PPP1R12B: variants seen among roughly 807,000 people sequenced by gnomAD.
PPP1R12B encodes the protein protein phosphatase 1 regulatory subunit 12B, also known as myosin phosphatase target subunit 2.
A neutral mutation model predicts 126.1 loss-of-function variants in PPP1R12B; 76 were observed. That is an observed-to-expected ratio of 0.60 (90% confidence interval 0.50 to 0.73). PPP1R12B has a LOEUF of 0.73. PPP1R12B is among the 30% of genes least tolerant of loss of function. The pLI is 0.00. For missense variants in PPP1R12B, 1,052 were observed against 1,205.1 expected, an observed-to-expected ratio of 0.87 and a Z score of 1.88; for synonymous variants, 356 against 434.7, an observed-to-expected ratio of 0.82 and a Z score of 2.25.
intron 1 of PPP1R12B, among the ~76,000 whole-genome samples, chr1:202,358,668 C>T (rs570000367): frequency 2.1e-5 from 3 of 140,372 alleles, no homozygotes; most frequent in South Asian, 2.4e-4. Context: ...GGTGACAGAG[C>T]GAGACTCCGT....
chr1:202,422,856 G>A lies in PPP1R12B; in HGVS notation c.541+118G>A, dbSNP rs1164473259. 9 of 1,422,324 alleles carry A rather than the reference G, an allele frequency of 6.3e-6. No individual in the cohort carries two copies. The Admixed American group carries it at 2.1e-4, about 32-fold the overall frequency. The allele number at this position is 1,422,324 out of a possible 1,614,324, so 88.1% of individuals were successfully genotyped here. A position where few individuals can be genotyped will look rare whatever the true frequency, so the allele number is the denominator to read the frequency against. On this transcript the variant is annotated intron_variant, in intron 3 of 23. Coordinates refer to ENST00000608999, the MANE Select transcript of PPP1R12B (RefSeq NM_002481.4). Reference sequence around the variant, plus strand: ...CACATGACAGGAGAGGATTTGATCTGTCTGCACTGCATTAATCATTAATCC... The same window carrying A: ...CACATGACAGGAGAGGATTTGATCTATCTGCACTGCATTAATCATTAATCC...
At chr1:202,445,964 T>G (rs1489860428) in intron 12 of PPP1R12B, among the ~76,000 whole-genome samples, 1 of 152,096 alleles carries the variant, frequency 6.6e-6, no homozygotes, top group Non-Finnish European at 1.5e-5. Context: ...GATAGTGTTG[T>G]TGCAGGAACA....
At chr1:202,519,254 T>TA (rs199937948) in intron 18 of PPP1R12B, among the ~76,000 whole-genome samples, 5 of 151,708 alleles carry the variant, frequency 3.3e-5, no homozygotes, top group South Asian at 2.1e-4. Flanking sequence ...TCAACCCAAT[T>TA]AAAAAATTTT....
At chr1:202,358,374 G>A (rs1265757469) in intron 1 of PPP1R12B, among the ~76,000 whole-genome samples, 1 of 152,068 alleles carries the variant, frequency 6.6e-6, no homozygotes, top group African/African-American at 2.4e-5. Flanking sequence ...GTTTCATGAG[G>A]CAATTCAATT....
intron 10 of PPP1R12B, chr1:202,439,029 A>G: frequency 7.3e-7 from 1 of 1,375,694 alleles, no homozygotes; most frequent in South Asian, 1.2e-5. Context: ...GCCCACTACC[A>G]GTGGGCGGAC....
chr1:202,425,658 A>G lies in PPP1R12B; in HGVS notation c.634A>G (p.Arg212Gly), dbSNP rs887491391. The G allele has an allele frequency of 1.2e-6, 2 of 1,613,836 alleles. No homozygotes were observed. The highest frequency in any genetic ancestry group is 2.7e-5 in the African/African-American group (2 of 74,924). ...CAACAGTGGGAAAATAGAGGATGTG[A>G]GGCAGGCTCGCTCAGGGGCTACAGC... is the stretch of plus-strand genomic sequence containing the variant. ...WLNSGKIEDVRQARSGATALH... is the reference protein window; with the variant it reads ...WLNSGKIEDVGQARSGATALH... The change falls in exon 4 of 24, where the codon AGG becomes GGG. Residue 212 changes from arginine to glycine, a missense_variant. Transcript: ENST00000608999.
intron 1 of PPP1R12B, among the ~76,000 whole-genome samples, chr1:202,383,027 A>G (rs1662589804): frequency 2.6e-5 from 4 of 152,212 alleles, no homozygotes; most frequent in Admixed American, 2.6e-4. Flanking sequence ...ATAGTTATAG[A>G]ACAAAAAGAA....
At position 202,437,963 on chromosome 1, in the gene PPP1R12B, C is replaced by T. The variant is rs772020166; in HGVS notation, c.1397C>T (p.Ser466Phe). ...NSREPIRDRG[S>F]SIYRSSSSPR... ...AGGGAACCTATAAGGGACCGAGGCT[C>T]TTCCATCTATCGCTCCTCTTCAAGC... The change falls in exon 10 of 24, where the codon TCT (serine) becomes TTT (phenylalanine). Residue 466 changes from serine to phenylalanine, a missense_variant. Transcript: ENST00000608999. The T allele has an allele frequency of 5.0e-6, 8 of 1,614,128 alleles. No homozygotes were observed. In the East Asian group the frequency reaches 1.1e-4, roughly 22 times the overall value.
chr1:202,475,857 T>G (rs1175517305), intron 13 of PPP1R12B, among the ~76,000 whole-genome samples: 1 of 151,508 alleles, frequency 6.6e-6, no homozygotes, highest in Non-Finnish European at 1.5e-5. Flanking sequence ...TTAAAGAAGG[T>G]TTTTTTGGGA....
intron 18 of PPP1R12B, among the ~76,000 whole-genome samples, chr1:202,548,505 T>A (rs1298748224): frequency 6.6e-6 from 1 of 151,908 alleles, no homozygotes; most frequent in Non-Finnish European, 1.5e-5. Context: ...GGACTATAGG[T>A]GTGCTGGGGC....
At chr1:202,563,445 T>C (rs1199423165) in intron 20 of PPP1R12B, among the ~76,000 whole-genome samples, 7 of 152,072 alleles carry the variant, frequency 4.6e-5, no homozygotes, top group Non-Finnish European at 1.0e-4. Flanking sequence ...AGTAAGTGTA[T>C]AGTTAGAATC....
At chr1:202,359,156 T>A (rs1657671377) in intron 1 of PPP1R12B, among the ~76,000 whole-genome samples, 1 of 151,974 alleles carries the variant, frequency 6.6e-6, no homozygotes, top group Non-Finnish European at 1.5e-5. Flanking sequence ...TTTTTTTTTT[T>A]CTTTTGAGAT....
chr1:202,446,378 C>G (rs1307419236), intron 12 of PPP1R12B, among the ~76,000 whole-genome samples: 1 of 147,322 alleles, frequency 6.8e-6, no homozygotes, highest in African/African-American at 2.5e-5. Context: ...CTCAGCCTCC[C>G]GAGTAGCTGG....
At chr1:202,379,664 T>G (rs1273941250) in intron 1 of PPP1R12B, among the ~76,000 whole-genome samples, 1 of 152,268 alleles carries the variant, frequency 6.6e-6, no homozygotes, top group Non-Finnish European at 1.5e-5. Flanking sequence ...GCCATAGGTC[T>G]ATTTTTTCCC....
At chr1:202,445,688 A>G (rs997387669) in intron 12 of PPP1R12B, among the ~76,000 whole-genome samples, 13 of 152,234 alleles carry the variant, frequency 8.5e-5, no homozygotes, top group Non-Finnish European at 1.3e-4. Context: ...AACCTTCTGA[A>G]AACTCCCAGC....
chr1:202,547,353 A>G (rs967512610), intron 18 of PPP1R12B, among the ~76,000 whole-genome samples: 1 of 152,170 alleles, frequency 6.6e-6, no homozygotes, highest in Non-Finnish European at 1.5e-5. Context: ...CCTGGTTATC[A>G]TGCAGTGAGT....
intron 1 of PPP1R12B, among the ~76,000 whole-genome samples, chr1:202,366,348 G>T (rs903215820): frequency 1.3e-5 from 2 of 151,542 alleles, no homozygotes; most frequent in African/African-American, 4.9e-5. Context: ...GCGAAGCTCC[G>T]TCTCTACTAA....
chr1:202,381,408 G>A (rs2843407), intron 1 of PPP1R12B, among the ~76,000 whole-genome samples: 26 of 1,366 alleles, frequency 0.019, 1 homozygote, highest in South Asian at 0.083. Flanking sequence ...GTGTGTGTGT[G>A]TGTGTGTGTG....
chr1:202,361,365 A>G (rs1571577528), intron 1 of PPP1R12B, among the ~76,000 whole-genome samples: 1 of 152,248 alleles, frequency 6.6e-6, no homozygotes, highest in African/African-American at 2.4e-5. Context: ...CGGGAAGCTT[A>G]CAGTCATGCA....
Sources: gnomAD v4.1 joint callset for allele counts (sites outside exome capture counted in the v4.1 genomes callset) on GRCh38, gnomAD v4.1.1 for gene constraint, MANE v1.5 for transcripts, NCBI Gene and HGNC (gene_info 2026-07-23, HGNC 2026-07-21) for gene names.